The following DCDC2C variants were observed in gnomAD, a reference collection of about 807,000 sequenced individuals.
The protein encoded by DCDC2C is doublecortin domain containing 2C.
Under a neutral mutation model 45.0 loss-of-function variants are expected in DCDC2C, and 44 were observed. That is an observed-to-expected ratio of 0.98 (90% confidence interval 0.77 to 1.26). The LOEUF is 1.26. Ranked by LOEUF, DCDC2C falls within the 50% of genes most tolerant of loss-of-function variation. The probability of loss-of-function intolerance (pLI) is 0.00; values close to 1 mark genes in which losing one functional copy is unlikely to be tolerated. For synonymous variants in DCDC2C, 187 were observed against 178.8 expected (o/e 1.05, Z -0.37); for missense variants, 447 against 468.9 (o/e 0.95, Z 0.43).
intron 10 of DCDC2C, among the ~76,000 whole-genome samples, chr2:3,799,179 T>C (rs1671043023): frequency 6.6e-6 from 1 of 152,220 alleles, no homozygotes; most frequent in African/African-American, 2.4e-5. Context: ...CTGAGGCTTC[T>C]GCATTCTTCA....
chr2:3,769,448 C>T lies in DCDC2C; in HGVS notation c.954+37C>T, dbSNP rs750556284. ...GGGTCCGATGTCCATGCCGTCTTCACTCCATTCCATCAGCTCCTGCCCGCC... is the reference window on the plus strand; with the variant it reads ...GGGTCCGATGTCCATGCCGTCTTCATTCCATTCCATCAGCTCCTGCCCGCC... On this transcript the variant is annotated intron_variant, in intron 8 of 10. Coordinates refer to ENST00000399143, the MANE Select transcript of DCDC2C (RefSeq NM_001287444.2). 1.4e-4 allele frequency: 213 copies of T among 1,526,296 alleles called. 1 individual carries two copies. The highest frequency in any genetic ancestry group is 3.7e-4 in the Admixed American group (19 of 50,882). The allele number at this position is 1,526,296 out of a possible 1,614,324, so 94.5% of individuals were successfully genotyped here. A position where few individuals can be genotyped will look rare whatever the true frequency, so the allele number is the denominator to read the frequency against.
chr2:3,710,649 A>C (rs1283443884), intron 2 of DCDC2C, among the ~76,000 whole-genome samples: 19 of 152,180 alleles, frequency 1.2e-4, no homozygotes, highest in Admixed American at 1.2e-3. Context: ...ATCTATTAAT[A>C]GTAGTATCCA....
chr2:3,764,494 A>C (rs1669965593), intron 6 of DCDC2C, among the ~76,000 whole-genome samples: 1 of 152,198 alleles, frequency 6.6e-6, no homozygotes, highest in Admixed American at 6.5e-5. Context: ...TTTGGGAGGA[A>C]AGAGCATATT....
chr2:3,725,507 T>TG (rs1242615474), intron 2 of DCDC2C, among the ~76,000 whole-genome samples: 3 of 85,822 alleles, frequency 3.5e-5, no homozygotes, highest in Admixed American at 1.4e-4. Flanking sequence ...GGGAGGAGGC[T>TG]GCCCGGTGGA....
At chr2:3,747,863 G>A (rs997234160) in intron 4 of DCDC2C, among the ~76,000 whole-genome samples, 2 of 152,206 alleles carry the variant, frequency 1.3e-5, no homozygotes, top group African/African-American at 4.8e-5. Context: ...TGCCATGCCA[G>A]GGGTGGCACA....
At chr2:3,837,126 A>G (rs537980837) in intron 10 of DCDC2C, among the ~76,000 whole-genome samples, 102 of 152,158 alleles carry the variant, frequency 6.7e-4, no homozygotes, top group Admixed American at 1.1e-3. Flanking sequence ...GCTTCTGAGG[A>G]ACATGAGGGC....
chr2:3,720,432 G>A (rs1668468501), intron 2 of DCDC2C, among the ~76,000 whole-genome samples: 1 of 152,186 alleles, frequency 6.6e-6, no homozygotes, highest in Non-Finnish European at 1.5e-5. Context: ...GACATAGGAG[G>A]TCAGATGACA....
At chr2:3,716,042 C>T (rs1338440294) in intron 2 of DCDC2C, among the ~76,000 whole-genome samples, 3 of 152,142 alleles carry the variant, frequency 2.0e-5, no homozygotes, top group Non-Finnish European at 4.4e-5. Flanking sequence ...GCAAAGGACA[C>T]TGGCCTGTTG....
intron 2 of DCDC2C, among the ~76,000 whole-genome samples, chr2:3,724,912 C>G (rs1381962417): frequency 6.6e-6 from 1 of 152,166 alleles, no homozygotes; most frequent in Admixed American, 6.5e-5. Context: ...TTTGCCCCAC[C>G]TGAACTCCTT....
chr2:3,802,074 G>T (rs1329130433), intron 10 of DCDC2C, among the ~76,000 whole-genome samples: 3 of 152,232 alleles, frequency 2.0e-5, no homozygotes, highest in Admixed American at 6.5e-5. Flanking sequence ...GAGGTCATTT[G>T]TTTTTCCTGT....
chr2:3,804,257 C>G (rs771403187), intron 10 of DCDC2C, among the ~76,000 whole-genome samples: 1 of 152,186 alleles, frequency 6.6e-6, no homozygotes, highest in Non-Finnish European at 1.5e-5. Context: ...ATCTGGATCT[C>G]TTTAGTTTTC....
chr2:3,767,730 T>G (rs1271502869), intron 6 of DCDC2C, 24 bp from the exon 7 acceptor site: 3 of 1,549,976 alleles, frequency 1.9e-6, no homozygotes, highest in Admixed American at 2.0e-5. Flanking sequence ...TTAATGGACT[T>G]TCTCTTCTTC....
At chr2:3,747,267 G>T (rs1007225933) in intron 4 of DCDC2C, among the ~76,000 whole-genome samples, 13 of 152,198 alleles carry the variant, frequency 8.5e-5, no homozygotes, top group African/African-American at 3.1e-4. Context: ...CAGTCATGCT[G>T]CCCTGCATCG....
At chr2:3,765,481 G>C (rs1196062231) in intron 6 of DCDC2C, among the ~76,000 whole-genome samples, 1 of 152,198 alleles carries the variant, frequency 6.6e-6, no homozygotes, top group Non-Finnish European at 1.5e-5. Flanking sequence ...GTGCAGGGAA[G>C]GATGGCTTGG....
intron 4 of DCDC2C, among the ~76,000 whole-genome samples, chr2:3,751,191 G>A (rs1188352992): frequency 2.0e-5 from 3 of 152,092 alleles, no homozygotes; most frequent in South Asian, 2.1e-4. Flanking sequence ...TTTGGCCCCC[G>A]GGAGCAGTTG....
At chr2:3,740,586 A>G (rs563443773) in intron 3 of DCDC2C, among the ~76,000 whole-genome samples, 1 of 152,364 alleles carries the variant, frequency 6.6e-6, no homozygotes, top group South Asian at 2.1e-4. Context: ...GCCTAAACCA[A>G]TTAGGAAAAC....
chr2:3,713,944 A>G (rs2148050200), intron 2 of DCDC2C, among the ~76,000 whole-genome samples: 1 of 152,372 alleles, frequency 6.6e-6, no homozygotes, highest in South Asian at 2.1e-4. Flanking sequence ...TTTGAATACC[A>G]GTGTAAACTG....
chr2:3,773,453 A>T (rs1171627241), intron 8 of DCDC2C, among the ~76,000 whole-genome samples: 1 of 152,168 alleles, frequency 6.6e-6, no homozygotes, highest in Non-Finnish European at 1.5e-5. Context: ...CTGCTGCCCG[A>T]TAAGCTTTCA....
At chr2:3,725,990 TG>T (rs148289456) in intron 2 of DCDC2C, 8,540 of 155,930 alleles carry the variant, frequency 0.055, 829 homozygotes, top group African/African-American at 0.19. Context: ...AGCGGGACCC[TG>T]GCGAGGATCC....
Sources: gnomAD v4.1 joint callset for allele counts (sites outside exome capture counted in the v4.1 genomes callset) on GRCh38, gnomAD v4.1.1 for gene constraint, MANE v1.5 for transcripts, NCBI Gene and HGNC (gene_info 2026-07-23, HGNC 2026-07-21) for gene names.